The following ANKRD28 variants were observed in gnomAD, a reference collection of about 807,000 sequenced individuals.
The protein encoded by ANKRD28 is serine/threonine-protein phosphatase 6 regulatory ankyrin repeat subunit A.
A neutral mutation model predicts 126.5 loss-of-function variants in ANKRD28; 44 were observed. The observed-to-expected ratio is 0.35, with a 90% CI of 0.27 to 0.45. The LOEUF is 0.45. Ranked by LOEUF, ANKRD28 falls within the 20% of genes least tolerant of loss-of-function variation. The pLI is 1.00. For synonymous variants in ANKRD28, 442 were observed against 468.5 expected, an observed-to-expected ratio of 0.94 and a Z score of 0.73; for missense variants, 1,110 against 1,316.6, an observed-to-expected ratio of 0.84 and a Z score of 2.43.
At chr3:15,719,137 G>GT (rs2073412629) in intron 8 of ANKRD28, among the ~76,000 whole-genome samples, 3 of 152,262 alleles carry the variant, frequency 2.0e-5, no homozygotes, top group African/African-American at 7.2e-5. Context: ...GACATCTCAT[G>GT]TTTTTTCTTC....
chr3:15,789,161 C>T (rs573083501), intron 2 of ANKRD28, among the ~76,000 whole-genome samples: 19 of 152,168 alleles, frequency 1.2e-4, no homozygotes, highest in Non-Finnish European at 1.0e-4. Context: ...AACTAATAAC[C>T]GTCCAGTTAG....
At chr3:15,767,165 A>C (rs12491914) in intron 2 of ANKRD28, among the ~76,000 whole-genome samples, 74,613 of 151,996 alleles carry the variant, frequency 0.49, 20,270 homozygotes, top group Non-Finnish European at 0.6. Flanking sequence ...CCTCTAATGC[A>C]TGCTTCATGG....
At chr3:15,685,917 GA>G (rs2068066127) in intron 20 of ANKRD28, 84 bp downstream of exon 20, 2 of 1,044,378 alleles carry the variant, frequency 1.9e-6, no homozygotes, top group Non-Finnish European at 2.8e-6. Context: ...ATTTAATGAA[GA>G]AAAAATAAAC....
intron 1 of ANKRD28, among the ~76,000 whole-genome samples, chr3:15,850,259 A>AGG (rs1553650166): frequency 4.7e-4 from 54 of 115,782 alleles, no homozygotes; most frequent in Non-Finnish European, 6.8e-4. Flanking sequence ...AGAGAGAGAG[A>AGG]GAGAAAGTTG....
intron 4 of ANKRD28, 139 bp downstream of exon 4, chr3:15,751,611 A>G: frequency 1.5e-6 from 1 of 652,346 alleles, no homozygotes; most frequent in Non-Finnish European, 2.6e-6. Flanking sequence ...GGTTTGTACA[A>G]ATTCTAAAGT....
At chr3:15,764,137 A>G (rs1346865328) in intron 3 of ANKRD28, among the ~76,000 whole-genome samples, 1 of 152,212 alleles carries the variant, frequency 6.6e-6, no homozygotes. Flanking sequence ...AGGCAGGTGA[A>G]TCGCTTGAAC....
intron 23 of ANKRD28, 41 bp downstream of exon 23, chr3:15,679,260 G>A (rs1172526943): frequency 6.4e-7 from 1 of 1,568,980 alleles, no homozygotes; most frequent in Non-Finnish European, 8.8e-7. Flanking sequence ...ATGAGCCACT[G>A]TGCCTGGCTA....
chr3:15,738,683 C>A (rs577094838), intron 4 of ANKRD28: 3 of 152,566 alleles, frequency 2.0e-5, no homozygotes, highest in African/African-American at 7.2e-5. Context: ...CACCAGGTTG[C>A]CTAAGGAGGG....
At chr3:15,717,003 T>G (rs530120063) in intron 8 of ANKRD28, among the ~76,000 whole-genome samples, 1 of 152,260 alleles carries the variant, frequency 6.6e-6, no homozygotes, top group South Asian at 2.1e-4. Flanking sequence ...CAAATCTACT[T>G]CATATATATT....
chr3:15,854,537 T>C lies in ANKRD28; in HGVS notation c.27+4840A>G, dbSNP rs185677372. ...AGGTTCTATTTTGTATTGCAAAAGG[T>C]ATCCAAAAAGTGAGGAAACACAGAA... On this transcript the variant is annotated intron_variant, in intron 1 of 27. Coordinates refer to the ANKRD28 transcript ENST00000399451. The surrounding 1 kb of genome is among the most constrained non-coding windows in gnomAD (Gnocchi z 4.1). Among the ~76,000 whole-genome samples the C allele has an allele frequency of 1.5e-4, 23 of 152,252 alleles. No individual in the cohort carries two copies. Among genetic ancestry groups the C allele is most frequent in the Admixed American group, 1.5e-3 (23 of 15,296 alleles).
intron 6 of ANKRD28, among the ~76,000 whole-genome samples, chr3:15,728,840 C>T (rs570043670): frequency 1.3e-5 from 2 of 152,190 alleles, no homozygotes; most frequent in Non-Finnish European, 2.9e-5. Context: ...TTAGTTTACT[C>T]ACCATTGTAA....
intron 2 of ANKRD28, among the ~76,000 whole-genome samples, chr3:15,774,397 T>G (rs182986695): frequency 4.6e-5 from 7 of 152,056 alleles, no homozygotes; most frequent in Admixed American, 3.9e-4. Context: ...TATAAAGAAC[T>G]CTCAAAACTC....
At chr3:15,671,749 A>G (rs1395001317) in intron 27 of ANKRD28, among the ~76,000 whole-genome samples, 1 of 151,826 alleles carries the variant, frequency 6.6e-6, no homozygotes, top group African/African-American at 2.4e-5. Context: ...ATGACCAGCT[A>G]ATTTTTTATA....
chr3:15,674,498 A>G lies in ANKRD28; in HGVS notation c.2965+1400T>C, dbSNP rs147754507. The stretch of plus-strand genomic sequence containing the variant: ...GAAAGGATCAACAGTTCAGTTCTGC[A>G]CATTCTAGGTTTAAGCTGTTTATCA... On this transcript the variant is annotated intron_variant, in intron 27 of 27. Coordinates refer to ENST00000683139, the MANE Select transcript of ANKRD28 (RefSeq NM_001349278.2). 4.1e-3 allele frequency among the ~76,000 whole-genome samples: 617 copies of G among 152,306 alleles called. 1 individual carries two copies. The highest frequency in any genetic ancestry group is 0.023 in the East Asian group (117 of 5,190).
intron 2 of ANKRD28, 60 bp downstream of exon 2, chr3:15,795,163 C>T: frequency 2.5e-6 from 3 of 1,184,426 alleles, no homozygotes; most frequent in Non-Finnish European, 3.8e-6. Context: ...AATCACAATT[C>T]TAGGAAAGAA....
upstream of ANKRD28, among the ~76,000 whole-genome samples, chr3:15,799,087 A>G (rs2060399128): frequency 6.6e-6 from 1 of 152,024 alleles, no homozygotes; most frequent in South Asian, 2.1e-4. Flanking sequence ...TTTCTAATCT[A>G]TTCTGCTATC....
In ANKRD28 at chr3:15,709,754, A is replaced by G. The variant is rs1053785390; in HGVS notation, c.1338-18T>C. On this transcript the variant is annotated intron_variant, in intron 12 of 27. Coordinates refer to ENST00000683139, the MANE Select transcript of ANKRD28 (RefSeq NM_001349278.2). Reference sequence around the variant, plus strand: ...CCAAATTCCTATTGAGAGAAAATACAGTTAGAAAACTTAATTGACAGTGAT... The same window carrying G: ...CCAAATTCCTATTGAGAGAAAATACGGTTAGAAAACTTAATTGACAGTGAT... 4 of 1,522,614 alleles carry G rather than the reference A, an allele frequency of 2.6e-6. No homozygotes were observed. The highest frequency in any genetic ancestry group is 2.4e-5 in the East Asian group (1 of 41,708). 94.3% of individuals were successfully genotyped at this position (1,522,614 alleles called of 1,614,324 possible).
Position 15,696,188 on chromosome 3 carries a change from T to C in ANKRD28, c.1605A>G (p.Gly535=), listed in dbSNP as rs1248663442. 8.8e-6 allele frequency: 14 copies of C among 1,594,798 alleles called. No homozygotes were observed. The highest frequency in any genetic ancestry group is 1.2e-5 in the Non-Finnish European group (14 of 1,168,974). ...DANPGIRDKQ[G]YNAVHYSAAY... ...CAGCTGAATAATGAACTGCGTTGTA[T>C]CCTTGCTTATCACGGATCCCTGGAT... Residue 535 remains glycine (G), a synonymous_variant, in exon 15 of 28, where the codon GGA becomes GGG. Transcript: ENST00000683139.
At chr3:15,829,515 A>G (rs1297781281) in intron 1 of ANKRD28, among the ~76,000 whole-genome samples, 2 of 152,182 alleles carry the variant, frequency 1.3e-5, no homozygotes, top group African/African-American at 4.8e-5. Context: ...ATTAAAATCC[A>G]TTGGTCTAAC....
Sources: gnomAD v4.1 joint callset for allele counts (sites outside exome capture counted in the v4.1 genomes callset) on GRCh38, gnomAD v4.1.1 for gene constraint, Gnocchi (gnomAD v3.1) non-coding constraint, MANE v1.5 for transcripts, NCBI Gene and HGNC (gene_info 2026-07-23, HGNC 2026-07-21) for gene names.